Variants in MGAT4C observed in about 807,000 individuals in gnomAD.
The protein encoded by MGAT4C is MGAT4 family member C.
A neutral mutation model predicts 40.1 loss-of-function variants in MGAT4C; 19 were observed. The observed-to-expected ratio is 0.47, with a 90% CI of 0.33 to 0.70. The LOEUF (loss-of-function observed/expected upper bound fraction) is 0.70. Among genes scored for constraint, MGAT4C ranks in the 30% least tolerant of loss-of-function variants. The probability of loss-of-function intolerance (pLI) is 0.02; values close to 1 mark genes in which losing one functional copy is unlikely to be tolerated. For missense variants in MGAT4C, 491 were observed against 563.2 expected (o/e 0.87, Z 1.30); for synonymous variants, 181 against 187.1 (o/e 0.97, Z 0.27).
intron 1 of MGAT4C, among the ~76,000 whole-genome samples, chr12:86,250,179 C>A (rs1369755826): frequency 4.6e-5 from 7 of 152,056 alleles, no homozygotes; most frequent in African/African-American, 1.7e-4. Context: ...TGCCTTGATT[C>A]TACAAGATTA....
chr12:86,015,373 G>A (rs1218584198), intron 2 of MGAT4C, among the ~76,000 whole-genome samples: 2 of 152,072 alleles, frequency 1.3e-5, no homozygotes, highest in African/African-American at 4.8e-5. Flanking sequence ...TTGTGCTGTG[G>A]TCATGCCAAT....
At chr12:86,008,611 T>C (rs563776506) in intron 2 of MGAT4C, among the ~76,000 whole-genome samples, 148 of 152,228 alleles carry the variant, frequency 9.7e-4, no homozygotes, top group Non-Finnish European at 1.8e-3. Flanking sequence ...CTTATTTCAA[T>C]GGCAATAAGT....
intron 3 of MGAT4C, among the ~76,000 whole-genome samples, chr12:86,359,475 T>C (rs1955403198): frequency 6.6e-6 from 1 of 151,382 alleles, no homozygotes; most frequent in South Asian, 2.1e-4. Flanking sequence ...ATAACTAAGA[T>C]TAGAGAAGAA....
At position 86,066,878 on chromosome 12, in the gene MGAT4C, A is replaced by G. The variant is rs368527115; in HGVS notation, c.-56-17155T>C. 7.9e-5 allele frequency among the ~76,000 whole-genome samples: 12 copies of G among 152,168 alleles called. No individual in the cohort carries two copies. The East Asian group carries it at 2.3e-3, about 29-fold the overall frequency. The stretch of plus-strand genomic sequence containing the variant: ...CAAATTTACAAGAAAAAAAACCACC[A>G]CATCAAAAAGTAGGTGAAGGATATG... On this transcript the variant is annotated intron_variant, in intron 1 of 4. Coordinates refer to ENST00000611864, the MANE Select transcript of MGAT4C (RefSeq NM_001351288.2).
intron 3 of MGAT4C, among the ~76,000 whole-genome samples, chr12:86,372,176 T>C (rs1041048659): frequency 4.6e-5 from 7 of 151,930 alleles, no homozygotes; most frequent in Admixed American, 1.3e-4. Context: ...ATTCAGAATA[T>C]AGCAGTTCAT....
At chr12:86,653,114 G>T (rs1049091854) in intron 2 of MGAT4C, among the ~76,000 whole-genome samples, 1 of 151,890 alleles carries the variant, frequency 6.6e-6, no homozygotes, top group South Asian at 2.1e-4. Context: ...AATTATTTTA[G>T]ATACAATAAA....
At chr12:86,726,637 C>T (rs898428934) in intron 2 of MGAT4C, among the ~76,000 whole-genome samples, 1 of 152,042 alleles carries the variant, frequency 6.6e-6, no homozygotes, top group African/African-American at 2.4e-5. Flanking sequence ...TTAATATGTG[C>T]ATATTCCTTT....
In MGAT4C at chr12:86,604,142, G is replaced by T. The variant is rs1056860598; in HGVS notation, c.-229+123067C>A. On this transcript the variant is annotated intron_variant, in intron 2 of 7. Coordinates refer to the MGAT4C transcript ENST00000548651. ...TCAACGGATAGCCTGGTTGTTGACA[G>T]GATGCCAAGAACAGCTAAGAAAATG... 5.3e-5 allele frequency among the ~76,000 whole-genome samples: 8 copies of T among 152,164 alleles called. No individual in the cohort carries two copies. The East Asian group carries it at 1.5e-3, about 29-fold the overall frequency.
chr12:86,285,490 A>G (rs1218483825), intron 4 of MGAT4C, among the ~76,000 whole-genome samples: 1 of 152,068 alleles, frequency 6.6e-6, no homozygotes. Flanking sequence ...ATATTTAACA[A>G]TATAGGACAT....
intron 1 of MGAT4C, among the ~76,000 whole-genome samples, chr12:86,781,842 G>A (rs1037653874): frequency 6.6e-6 from 1 of 152,002 alleles, no homozygotes; most frequent in East Asian, 1.9e-4. Context: ...CTAAAGTTGT[G>A]TAGGTTTGTA....
At chr12:86,704,371 G>C (rs897193431) in intron 2 of MGAT4C, among the ~76,000 whole-genome samples, 1 of 151,780 alleles carries the variant, frequency 6.6e-6, no homozygotes, top group Non-Finnish European at 1.5e-5. Flanking sequence ...TACAAAATGG[G>C]ATGAGTAAAT....
chr12:86,726,685 T>C (rs1368664229), intron 2 of MGAT4C, among the ~76,000 whole-genome samples: 1 of 152,148 alleles, frequency 6.6e-6, no homozygotes. Flanking sequence ...TTTTGTTTAA[T>C]ATGCATGCAA....
chr12:86,481,460 T>C (rs1957936233), intron 2 of MGAT4C, among the ~76,000 whole-genome samples: 2 of 152,118 alleles, frequency 1.3e-5, no homozygotes, highest in Non-Finnish European at 2.9e-5. Context: ...TATTACCCTC[T>C]GATGTAGCAT....
intron 2 of MGAT4C, among the ~76,000 whole-genome samples, chr12:86,019,437 A>G (rs1264894025): frequency 3.9e-5 from 6 of 152,104 alleles, no homozygotes; most frequent in Non-Finnish European, 7.4e-5. Context: ...CTGATGTTGT[A>G]TGCATCCTAG....
intron 1 of MGAT4C, among the ~76,000 whole-genome samples, chr12:86,822,198 A>G (rs1952718304): frequency 6.6e-6 from 1 of 151,102 alleles, no homozygotes; most frequent in Non-Finnish European, 1.5e-5. Flanking sequence ...ACATATACCT[A>G]TAGAAGTTAC....
chr12:86,662,765 A>G lies in MGAT4C; in HGVS notation c.-229+64444T>C, dbSNP rs187584692. Among the ~76,000 whole-genome samples the G allele has an allele frequency of 7.2e-3, 1,096 of 152,336 alleles. 12 individuals are homozygous for G. Among genetic ancestry groups the G allele is most frequent in the Non-Finnish European group, 0.013 (864 of 68,026 alleles). Reference sequence around the variant, plus strand: ...GTAGCTACTGAGTTTGCACTGCTCTAAATCAGCATTACTCTTTAATCATAA... The same window carrying G: ...GTAGCTACTGAGTTTGCACTGCTCTGAATCAGCATTACTCTTTAATCATAA... On this transcript the variant is annotated intron_variant, in intron 2 of 7. Coordinates refer to the MGAT4C transcript ENST00000548651.
intron 1 of MGAT4C, among the ~76,000 whole-genome samples, chr12:86,768,715 A>T (rs947436530): frequency 2.0e-5 from 3 of 151,794 alleles, no homozygotes; most frequent in African/African-American, 7.3e-5. Context: ...ATAACGCCGC[A>T]TATCTACAAC....
chr12:86,665,969 C>T (rs1386394864), intron 2 of MGAT4C, among the ~76,000 whole-genome samples: 1 of 151,954 alleles, frequency 6.6e-6, no homozygotes, highest in Non-Finnish European at 1.5e-5. Context: ...GTTTTTTAAG[C>T]CTCCATAATA....
At chr12:86,797,178 C>T (rs1952138709) in intron 1 of MGAT4C, among the ~76,000 whole-genome samples, 1 of 151,742 alleles carries the variant, frequency 6.6e-6, no homozygotes, top group Admixed American at 6.6e-5. Flanking sequence ...CTTTTATCTC[C>T]TCTGTTCTAT....
Sources: allele counts gnomAD v4.1 joint callset (sites outside exome capture counted in the v4.1 genomes callset), GRCh38; gene constraint gnomAD v4.1.1; transcripts MANE v1.5; gene names NCBI Gene and HGNC (gene_info 2026-07-23, HGNC 2026-07-21).